Variants in SELENON observed in about 807,000 individuals in gnomAD.
SELENON encodes selenoprotein N, also known as selenoprotein N, 1.
SELENON carries 44 observed loss-of-function variants against 59.5 expected under a neutral mutation model. The ratio of observed to expected loss-of-function variants is 0.74; its 90% CI spans 0.58 to 0.95. SELENON has a LOEUF of 0.95. SELENON is among the 40% of genes least tolerant of loss of function. The pLI is 0.00. For synonymous variants in SELENON, 320 were observed against 305.6 expected, an observed-to-expected ratio of 1.05 and a Z score of -0.49; for missense variants, 674 against 721.4, an observed-to-expected ratio of 0.93 and a Z score of 0.75.
In SELENON at chr1:25,807,176, G is replaced by A. The variant is rs2047915018; in HGVS notation, c.538-1404G>A. ...CTTAACCTCATCGCTGCAGGTTCAG[G>A]GAGGGACAGAAATTCCAAGGAGGAG... On this transcript the variant is annotated intron_variant, in intron 4 of 12. Coordinates refer to ENST00000361547, the MANE Select transcript of SELENON (RefSeq NM_020451.3). This position sits in a 1 kb window ranked among gnomAD's most constrained non-coding sequence, Gnocchi z 4.5. Among the ~76,000 whole-genome samples the A allele has an allele frequency of 1.3e-5, 2 of 152,078 alleles. No individual in the cohort carries two copies. The highest frequency in any genetic ancestry group is 4.8e-5 in the African/African-American group (2 of 41,404).
intron 8 of SELENON, 33 bp from the exon 8 acceptor site, chr1:25,811,658 G>A: frequency 3.1e-6 from 5 of 1,611,590 alleles, no homozygotes; most frequent in Non-Finnish European, 4.2e-6. Context: ...GCCCATCTCT[G>A]AGCCTTCCCC....
At chr1:25,801,937 A>G in intron 2 of SELENON, 1 of 214,098 alleles carries the variant, frequency 4.7e-6, no homozygotes, top group Non-Finnish European at 9.8e-6. Context: ...TTCAGTAGAG[A>G]AAAGAAATGC....
At position 25,809,746 on chromosome 1, in the gene SELENON, G is replaced by A; in HGVS notation, c.936G>A (p.Gln312=). ...TCCCCTTTTGGTTCTCCCCTGCTCAGTTCACCGGCCACATCATCCTCTCCA... is the reference window on the plus strand; with the variant it reads ...TCCCCTTTTGGTTCTCCCCTGCTCAATTCACCGGCCACATCATCCTCTCCA... Residue 312 remains glutamine, a synonymous_variant, in exon 7 of 13, where the codon CAG becomes CAA. Coordinates refer to ENST00000361547, the MANE Select transcript of SELENON (RefSeq NM_020451.3). 1 of 1,614,112 alleles carries A rather than the reference G, an allele frequency of 6.2e-7. No individual in the cohort carries two copies. The highest frequency in any genetic ancestry group is 2.2e-5 in the East Asian group (1 of 44,884).
chr1:25,806,161 G>A (rs1032947212), intron 4 of SELENON, among the ~76,000 whole-genome samples: 3 of 152,216 alleles, frequency 2.0e-5, no homozygotes, highest in African/African-American at 7.2e-5. Flanking sequence ...TGCCAGGCTG[G>A]TCACTGAGGC....
rs1361442950 is a variant in SELENON, at chr1:25,812,597, ACACACAC to A, written c.1282-89_1282-83del. The A allele has an allele frequency of 3.3e-3, 2,755 of 832,900 alleles. 47 individuals carry two copies. In the African/African-American group the frequency reaches 0.045, roughly 13 times the overall value. The allele number at this position is 832,900 out of a possible 1,614,324, so 51.6% of individuals were successfully genotyped here. A position where few individuals can be genotyped will look rare whatever the true frequency, so the allele number is the denominator to read the frequency against. ...CACACACACACACACACACACACAC[ACACACAC>A]ACTTGCACACACTACAGACTCAGCC... On this transcript the variant is annotated intron_variant, in intron 9 of 12. Transcript: ENST00000361547.
At chr1:25,812,650 T>G in intron 9 of SELENON, 37 bp from the exon 9 acceptor site, 1 of 1,560,850 alleles carries the variant, frequency 6.4e-7, no homozygotes, top group Non-Finnish European at 8.7e-7. Flanking sequence ...CCTGGCCGCT[T>G]TGATGATGGC....
chr1:25,816,054 G>C lies in SELENON; in HGVS notation c.*336G>C, dbSNP rs1477137378. The C allele has an allele frequency of 2.1e-5, 5 of 233,172 alleles. No homozygotes were observed. The highest frequency in any genetic ancestry group is 3.4e-5 in the Non-Finnish European group (4 of 118,462). The allele number at this position is 233,172 out of a possible 1,614,324, so 14.4% of individuals were successfully genotyped here. ...CCAGCCGCACAGTCTAGGCCCTTGTGGGGTGAAGAATGGAGGGAGGAGCAG... is the reference window on the plus strand; with the variant it reads ...CCAGCCGCACAGTCTAGGCCCTTGTCGGGTGAAGAATGGAGGGAGGAGCAG... On this transcript the variant is annotated 3_prime_UTR_variant, in exon 13 of 13. Transcript: ENST00000361547.
rs74447340 is a variant in SELENON at position 25,802,900 on chromosome 1, A to C, written c.403+783A>C. On this transcript the variant is annotated intron_variant, in intron 3 of 12. Transcript: ENST00000361547. ...GGTGTAAGTCAGTCATTGATGGGAA[A>C]GGCAAGAGAGACATGCTGGCTGTTT... 5.4e-4 allele frequency among the ~76,000 whole-genome samples: 82 copies of C among 152,328 alleles called. No homozygotes were observed. In the South Asian group the frequency reaches 8.9e-3, roughly 17 times the overall value.
Position 25,809,163 on chromosome 1 carries a change from C to T in SELENON, c.872+13C>T. ...CTGTGATGTTCCGGTGAGTGGGCCACACTGGCTGGCCTGGAGCACCGGGGA... is the reference window on the plus strand; with the variant it reads ...CTGTGATGTTCCGGTGAGTGGGCCATACTGGCTGGCCTGGAGCACCGGGGA... On this transcript the variant is annotated intron_variant, in intron 6 of 12. Coordinates refer to ENST00000361547, the MANE Select transcript of SELENON (RefSeq NM_020451.3). 3.1e-6 allele frequency: 5 copies of T among 1,613,534 alleles called. No homozygotes were observed. Among genetic ancestry groups the T allele is most frequent in the East Asian group, 2.2e-5 (1 of 44,882 alleles).
chr1:25,809,897 C>G (rs867553089), intron 7 of SELENON, 77 bp downstream of exon 6: 1 of 1,552,560 alleles, frequency 6.4e-7, no homozygotes, highest in East Asian at 2.2e-5. Flanking sequence ...AGCCTAGGGG[C>G]CTCTTCTGTC....
chr1:25,805,379 GC>G, intron 4 of SELENON, 104 bp downstream of exon 3: 3 of 1,524,706 alleles, frequency 2.0e-6, no homozygotes, highest in Non-Finnish European at 2.7e-6. Flanking sequence ...GCCCACTAGA[GC>G]CAGGCCCTGG....
rs2047941989 is a variant in SELENON, at chr1:25,809,730, G to T, written c.920G>T (p.Trp307Leu). Residue 307 changes from tryptophan to leucine, a missense_variant, in exon 7 of 13, where the codon TGG (tryptophan) becomes TTG (leucine). Coordinates refer to ENST00000361547, the MANE Select transcript of SELENON (RefSeq NM_020451.3). ...AGTGAGCCGCCCGACTTCCCCTTTTGGTTCTCCCCTGCTCAGTTCACCGGC... is the reference window on the plus strand; with the variant it reads ...AGTGAGCCGCCCGACTTCCCCTTTTTGTTCTCCCCTGCTCAGTTCACCGGC... 1 of 1,614,098 alleles carries T rather than the reference G, an allele frequency of 6.2e-7. No individual in the cohort carries two copies. The highest frequency in any genetic ancestry group is 1.1e-5 in the South Asian group (1 of 91,080).
intron 7 of SELENON, among the ~76,000 whole-genome samples, chr1:25,810,139 AGCCTGTGCAC>A (rs2047946231): frequency 6.6e-6 from 1 of 152,164 alleles, no homozygotes; most frequent in African/African-American, 2.4e-5. Context: ...CTGTAACCGC[AGCCTGTGCAC>A]GCCACCAAGA....
At position 25,811,646 on chromosome 1, in the gene SELENON, T is replaced by C. The variant is rs549130801; in HGVS notation, c.1093-45T>C. 45 of 1,609,452 alleles carry C rather than the reference T, an allele frequency of 2.8e-5. No homozygotes were observed. The highest frequency in any genetic ancestry group is 1.7e-4 in the Middle Eastern group (1 of 6,056). ...TCTCTAGGGGAGCCCCTGAGGATTC[T>C]TGCCCATCTCTGAGCCTTCCCCCTA... On this transcript the variant is annotated intron_variant, in intron 8 of 12. Coordinates refer to ENST00000361547, the MANE Select transcript of SELENON (RefSeq NM_020451.3).
intron 2 of SELENON, among the ~76,000 whole-genome samples, chr1:25,801,540 G>A (rs553552180): frequency 2.7e-4 from 41 of 152,208 alleles, no homozygotes; most frequent in Middle Eastern, 3.4e-3. Flanking sequence ...CACACCTGTA[G>A]TCCCAGCTAC....
At position 25,812,750 on chromosome 1, in the gene SELENON, T is replaced by G. The variant is rs1241397248; in HGVS notation, c.1345T>G (p.Ser449Ala). The G allele has an allele frequency of 6.2e-7, 1 of 1,613,520 alleles. No individual in the cohort carries two copies. ...CAAGGCTGAGAACAAGCTGGTGCAC[T>G]CAATCCTGCTGTGGGGGGCCCTGGA... The change falls in exon 10 of 13, where the codon TCA becomes GCA. Residue 449 changes from serine to alanine, a missense_variant. Transcript: ENST00000361547.
At chr1:25,812,144 C>T (rs966185408) in intron 9 of SELENON, among the ~76,000 whole-genome samples, 17 of 152,150 alleles carry the variant, frequency 1.1e-4, no homozygotes, top group African/African-American at 4.1e-4. Context: ...AGTTCAAGAG[C>T]AATCTGGGCA....
chr1:25,812,925 G>T, intron 10 of SELENON, 133 bp downstream of exon 9: 1 of 679,692 alleles, frequency 1.5e-6, no homozygotes, highest in African/African-American at 1.8e-5. Context: ...GTAGGGGCGT[G>T]GGGTGAGGGC....
rs1192040968 is a variant in SELENON at position 25,817,578 on chromosome 1, C to T, written c.*1860C>T. On this transcript the variant is annotated 3_prime_UTR_variant, in exon 13 of 13. Transcript: ENST00000361547. The stretch of plus-strand genomic sequence containing the variant: ...TACACGCACCTTCTCACTTAATCCT[C>T]ACGACAAGCCTGTGAGGCAGATGCT... The T allele has an allele frequency of 6.6e-6, 1 of 152,236 alleles. No individual in the cohort carries two copies. The highest frequency in any genetic ancestry group is 1.5e-5 in the Non-Finnish European group (1 of 68,052). The allele number at this position is 152,236 out of a possible 1,614,324, so 9.4% of individuals were successfully genotyped here.
Sources: gnomAD v4.1 joint callset for allele counts (sites outside exome capture counted in the v4.1 genomes callset) on GRCh38, gnomAD v4.1.1 for gene constraint, Gnocchi (gnomAD v3.1) non-coding constraint, MANE v1.5 for transcripts, NCBI Gene and HGNC (gene_info 2026-07-23, HGNC 2026-07-21) for gene names.